Variants in FRMPD4 observed in about 807,000 individuals in gnomAD.
The protein encoded by FRMPD4 is FERM and PDZ domain containing 4, also known as FERM and PDZ domain-containing protein 4.
A neutral mutation model predicts 94.1 loss-of-function variants in FRMPD4; 22 were observed. The ratio of observed to expected loss-of-function variants is 0.23; its 90% CI spans 0.17 to 0.33. The LOEUF (loss-of-function observed/expected upper bound fraction) is 0.33. Ranked by LOEUF, FRMPD4 falls within the 10% of genes least tolerant of loss-of-function variation. The pLI, the probability that FRMPD4 is intolerant of heterozygous loss-of-function variation, is 1.00. For missense variants in FRMPD4, 1,111 were observed against 1,339.9 expected (o/e 0.83, Z 2.67); for synonymous variants, 631 against 548.6 (o/e 1.15, Z -2.10).
chrX:12,647,742 A>T (rs889995882), intron 4 of FRMPD4, among the ~76,000 whole-genome samples: 1 of 111,840 alleles, frequency 8.9e-6, no homozygotes, highest in African/African-American at 3.2e-5. Flanking sequence ...TTCTCGTGCC[A>T]CTTAAATCAC....
At chrX:12,541,176 A>T (rs1464036461) in intron 2 of FRMPD4, among the ~76,000 whole-genome samples, 1 of 112,029 alleles carries the variant, frequency 8.9e-6, no homozygotes, top group East Asian at 2.8e-4. Context: ...CACAATTAAA[A>T]GAACTAGAGA....
At chrX:11,881,216 TAC>T (rs777064475) in intron 3 of FRMPD4, among the ~76,000 whole-genome samples, 439 of 112,307 alleles carry the variant, frequency 3.9e-3, no homozygotes, top group Non-Finnish European at 5.1e-3. Context: ...GGCAAAATAG[TAC>T]AGTCACTTTG....
intron 1 of FRMPD4, among the ~76,000 whole-genome samples, chrX:12,217,593 A>G (rs1352310070): frequency 8.9e-6 from 1 of 112,329 alleles, no homozygotes; most frequent in Non-Finnish European, 1.9e-5. Flanking sequence ...ATTACAGTTC[A>G]TCTCAGAAAA....
At chrX:12,659,637 A>G (rs917926241) in intron 4 of FRMPD4, among the ~76,000 whole-genome samples, 1 of 112,828 alleles carries the variant, frequency 8.9e-6, no homozygotes, top group Non-Finnish European at 1.9e-5. Context: ...GATCACTGAT[A>G]TATCCCAAAT....
chrX:12,701,799 T>C (rs768768699), intron 9 of FRMPD4, 75 bp from the exon 10 acceptor site: 5 of 1,065,724 alleles, frequency 4.7e-6, no homozygotes, highest in Admixed American at 2.3e-5. Flanking sequence ...GGGAAATGTA[T>C]GTCACCTGTT....
intron 3 of FRMPD4, among the ~76,000 whole-genome samples, chrX:12,002,980 G>T (rs2054531923): frequency 9.0e-6 from 1 of 111,685 alleles, no homozygotes; most frequent in Non-Finnish European, 1.9e-5. Flanking sequence ...CTCTTAGGTG[G>T]AGTTTTAGTA....
At chrX:12,521,395 C>G (rs2058160360) in intron 2 of FRMPD4, among the ~76,000 whole-genome samples, 1 of 112,094 alleles carries the variant, frequency 8.9e-6, no homozygotes, top group Admixed American at 9.5e-5. Flanking sequence ...CGTGCAATCT[C>G]TTCTCCTTTC....
chrX:11,895,463 A>G (rs2147324869), intron 3 of FRMPD4, among the ~76,000 whole-genome samples: 1 of 111,406 alleles, frequency 9.0e-6, no homozygotes, highest in South Asian at 3.8e-4. Context: ...TTACTCTGGT[A>G]AACAGGGAGC....
At chrX:12,414,428 A>C (rs2056773069) in intron 1 of FRMPD4, among the ~76,000 whole-genome samples, 1 of 112,833 alleles carries the variant, frequency 8.9e-6, no homozygotes, top group African/African-American at 3.2e-5. Flanking sequence ...TCTTAGCCTC[A>C]GTTAATTTAT....
At chrX:12,053,502 AGAAG>A (rs1339080316) in intron 3 of FRMPD4, among the ~76,000 whole-genome samples, 1 of 110,096 alleles carries the variant, frequency 9.1e-6, no homozygotes, top group Non-Finnish European at 1.9e-5. Flanking sequence ...AAAGAAAGAA[AGAAG>A]GAAGGAAGGA....
intron 2 of FRMPD4, among the ~76,000 whole-genome samples, chrX:12,501,152 G>C (rs915824925): frequency 8.9e-6 from 1 of 112,016 alleles, no homozygotes; most frequent in African/African-American, 3.2e-5. Flanking sequence ...AGCCAGCCTG[G>C]GTGTCAGTTT....
intron 6 of FRMPD4, among the ~76,000 whole-genome samples, chrX:12,683,968 T>G (rs1009083732): frequency 8.0e-5 from 9 of 112,483 alleles, no homozygotes; most frequent in Non-Finnish European, 1.7e-4. Flanking sequence ...TTCCATATGA[T>G]AGTGCTTTAT....
chrX:12,305,921 C>G (rs1234333686), intron 1 of FRMPD4, among the ~76,000 whole-genome samples: 1 of 106,909 alleles, frequency 9.4e-6, no homozygotes. Context: ...GTTGGCTACT[C>G]TAAAAAACTT....
chrX:12,635,053 C>T (rs73446883), intron 4 of FRMPD4, among the ~76,000 whole-genome samples: 1,386 of 110,555 alleles, frequency 0.013, 24 homozygotes, highest in African/African-American at 0.042. Context: ...AAGCTGGTCT[C>T]GAACTCCTGA....
chrX:12,183,587 A>G (rs1329621639), intron 1 of FRMPD4, among the ~76,000 whole-genome samples: 12 of 111,853 alleles, frequency 1.1e-4, no homozygotes. Context: ...TCTAATAATT[A>G]CACCAAAGAA....
chrX:11,897,832 A>T (rs988083726), intron 3 of FRMPD4, among the ~76,000 whole-genome samples: 2 of 112,073 alleles, frequency 1.8e-5, no homozygotes, highest in Non-Finnish European at 1.9e-5. Flanking sequence ...AATACATTGC[A>T]TAGTATGTTA....
At chrX:12,260,177 T>G (rs897129777) in intron 1 of FRMPD4, among the ~76,000 whole-genome samples, 4 of 111,409 alleles carry the variant, frequency 3.6e-5, no homozygotes, top group Non-Finnish European at 5.7e-5. Flanking sequence ...CTCATCCTTT[T>G]GTGGTTTTAC....
chrX:12,181,225 G>A, intron 1 of FRMPD4, among the ~76,000 whole-genome samples: 1 of 111,751 alleles, frequency 8.9e-6, no homozygotes, highest in Non-Finnish European at 1.9e-5. Context: ...CTTCAAGTAT[G>A]TGAAGACCTG....
chrX:12,153,065 A>C (rs947663187), intron 1 of FRMPD4, among the ~76,000 whole-genome samples: 2 of 108,763 alleles, frequency 1.8e-5, no homozygotes, highest in Non-Finnish European at 1.9e-5. Context: ...TCCCGAGTAG[A>C]TGGGACTACA....
Sources: gnomAD v4.1 joint callset for allele counts (sites outside exome capture counted in the v4.1 genomes callset) on GRCh38, gnomAD v4.1.1 for gene constraint, MANE v1.5 for transcripts, NCBI Gene and HGNC (gene_info 2026-07-23, HGNC 2026-07-21) for gene names.